CSMD1: variants seen among roughly 807,000 people sequenced by gnomAD.
CSMD1 encodes CUB and Sushi multiple domains 1.
A neutral mutation model predicts 417.5 loss-of-function variants in CSMD1; 213 were observed. That is an observed-to-expected ratio of 0.51 (90% CI 0.46 to 0.57). CSMD1 has a LOEUF of 0.57. CSMD1 is among the 20% of genes least tolerant of loss of function. The pLI is 0.00. For missense variants in CSMD1, 6,923 were observed against 4,529.7 expected (o/e 1.53, Z -15.17); for synonymous variants, 2,862 against 1,736.8 (o/e 1.65, Z -16.11).
intron 25 of CSMD1, among the ~76,000 whole-genome samples, chr8:3,290,639 C>A (rs554277316): frequency 6.8e-6 from 1 of 146,948 alleles, no homozygotes; most frequent in African/African-American, 2.7e-5. Context: ...CTGTTATTGG[C>A]GTATGAGAAT....
intron 3 of CSMD1, among the ~76,000 whole-genome samples, chr8:4,187,505 G>A (rs1182190253): frequency 2.0e-5 from 3 of 152,004 alleles, no homozygotes; most frequent in Non-Finnish European, 4.4e-5. Flanking sequence ...ATCAGCCTGG[G>A]TGGTGGCACA....
At chr8:4,220,396 A>G (rs1800955980) in intron 3 of CSMD1, among the ~76,000 whole-genome samples, 3 of 152,198 alleles carry the variant, frequency 2.0e-5, no homozygotes, top group African/African-American at 7.2e-5. Flanking sequence ...GCCTCTAGAC[A>G]ACGGTTAGTG....
intron 3 of CSMD1, among the ~76,000 whole-genome samples, chr8:4,278,966 A>T (rs1442502667): frequency 6.6e-6 from 1 of 152,238 alleles, no homozygotes; most frequent in Non-Finnish European, 1.5e-5. Context: ...TTATGTCCAT[A>T]TATGAAATAA....
At chr8:4,405,990 G>A (rs993055689) in intron 3 of CSMD1, among the ~76,000 whole-genome samples, 6 of 152,184 alleles carry the variant, frequency 3.9e-5, no homozygotes, top group African/African-American at 1.4e-4. Context: ...AGACATGGCT[G>A]TGACGAGTGA....
chr8:4,007,004 G>A (rs531502496), intron 4 of CSMD1, among the ~76,000 whole-genome samples: 5 of 151,598 alleles, frequency 3.3e-5, no homozygotes, highest in African/African-American at 4.8e-5. Context: ...ATTTTTGTGT[G>A]TATGTGTGTA....
intron 10 of CSMD1, among the ~76,000 whole-genome samples, chr8:3,545,190 G>A (rs528331522): frequency 2.6e-5 from 4 of 152,286 alleles, no homozygotes; most frequent in African/African-American, 9.6e-5. Context: ...GCAAAGAGCA[G>A]GAGGTAGAAT....
chr8:4,861,055 G>A (rs983576734), intron 1 of CSMD1, among the ~76,000 whole-genome samples: 2 of 152,028 alleles, frequency 1.3e-5, no homozygotes, highest in African/African-American at 4.8e-5. Flanking sequence ...TCCTCTAAAA[G>A]CTCCTTTTGT....
intron 1 of CSMD1, among the ~76,000 whole-genome samples, chr8:4,842,114 G>C (rs1196785927): frequency 6.6e-6 from 1 of 152,094 alleles, no homozygotes; most frequent in Non-Finnish European, 1.5e-5. Context: ...ATGTAAAAAG[G>C]TGCAAGGCAC....
intron 25 of CSMD1, among the ~76,000 whole-genome samples, chr8:3,298,517 G>A (rs1188857705): frequency 6.6e-6 from 1 of 152,196 alleles, no homozygotes; most frequent in Non-Finnish European, 1.5e-5. Flanking sequence ...GCAATGGAAT[G>A]ATCGTGGCTC....
At chr8:4,970,474 G>C (rs1810171600) in intron 1 of CSMD1, among the ~76,000 whole-genome samples, 2 of 151,984 alleles carry the variant, frequency 1.3e-5, no homozygotes, top group African/African-American at 2.4e-5. Flanking sequence ...TCATTTATGA[G>C]CTCCATTATA....
intron 18 of CSMD1, among the ~76,000 whole-genome samples, chr8:3,369,777 G>C (rs553043126): frequency 7.9e-5 from 12 of 152,194 alleles, no homozygotes; most frequent in Non-Finnish European, 1.6e-4. Context: ...AAAAAAAGAA[G>C]AGAAAGTTTT....
Position 2,994,517 on chromosome 8 carries a change from C to T in CSMD1, c.8377+3494G>A, listed in dbSNP as rs530749856. ...CCCCACACGCCATCGTGCCCACTCACGTGATACCACTGCCATGTTTTACAG... is the reference window on the plus strand; with the variant it reads ...CCCCACACGCCATCGTGCCCACTCATGTGATACCACTGCCATGTTTTACAG... On this transcript the variant is annotated intron_variant, in intron 54 of 69. Coordinates refer to ENST00000635120, the MANE Select transcript of CSMD1 (RefSeq NM_033225.6). Among the ~76,000 whole-genome samples the T allele has an allele frequency of 1.3e-4, 20 of 152,242 alleles. No individual in the cohort carries two copies. In the South Asian group the frequency reaches 2.5e-3, roughly 19 times the overall value.
intron 3 of CSMD1, among the ~76,000 whole-genome samples, chr8:4,261,204 A>G (rs932184161): frequency 1.3e-5 from 2 of 152,202 alleles, no homozygotes; most frequent in African/African-American, 4.8e-5. Context: ...AAAAGCTACT[A>G]GAGAAAGGAG....
chr8:4,619,308 C>A (rs55694307), intron 2 of CSMD1, among the ~76,000 whole-genome samples: 6,867 of 152,244 alleles, frequency 0.045, 203 homozygotes, highest in Non-Finnish European at 0.064. Context: ...GCAATATAGC[C>A]TTCTCCAAAT....
chr8:3,987,173 T>C (rs1191963096), intron 5 of CSMD1, among the ~76,000 whole-genome samples: 2 of 152,172 alleles, frequency 1.3e-5, no homozygotes, highest in Non-Finnish European at 1.5e-5. Context: ...AGCAATCCAG[T>C]ATATACACTT....
intron 11 of CSMD1, among the ~76,000 whole-genome samples, chr8:3,472,540 T>C (rs886448527): frequency 6.6e-6 from 1 of 152,182 alleles, no homozygotes; most frequent in Admixed American, 6.5e-5. Flanking sequence ...TATCTTCCTG[T>C]ATGTGTGCAC....
At chr8:4,845,773 G>T (rs1056561041) in intron 1 of CSMD1, among the ~76,000 whole-genome samples, 2 of 152,168 alleles carry the variant, frequency 1.3e-5, no homozygotes, top group African/African-American at 2.4e-5. Flanking sequence ...AGAATCACGT[G>T]AGTAGTATCA....
chr8:2,998,018 C>T lies in CSMD1; in HGVS notation c.8370G>A (p.Thr2790=), dbSNP rs770058953. 59 of 1,613,398 alleles carry T rather than the reference C, an allele frequency of 3.7e-5. No homozygotes were observed. The Admixed American group carries it at 5.2e-4, about 14-fold the overall frequency. The change falls in exon 54 of 70, where the codon ACG becomes ACA. Residue 2790 remains threonine, a synonymous_variant. Transcript: ENST00000635120. ...CCTGGATGCTGTTCCTACCTCGACA[C>T]GTGGGCAGAGGGCTACTCCACTGGC... ...SNGQWSSPLP[T]CRVVNCSDPG...
chr8:3,621,645 T>G (rs1381814444), intron 7 of CSMD1, among the ~76,000 whole-genome samples: 1 of 152,050 alleles, frequency 6.6e-6, no homozygotes, highest in African/African-American at 2.4e-5. Flanking sequence ...CAGGCTGCAG[T>G]GCAGTGGCAT....
Sources: gnomAD v4.1 joint callset for allele counts (sites outside exome capture counted in the v4.1 genomes callset) on GRCh38, gnomAD v4.1.1 for gene constraint, MANE v1.5 for transcripts, NCBI Gene and HGNC (gene_info 2026-07-23, HGNC 2026-07-21) for gene names.